The following EPN1 variants were observed in gnomAD, a reference collection of about 807,000 sequenced individuals.
EPN1 encodes epsin-1.
In EPN1, 25 loss-of-function variants were observed where a neutral mutation model predicts 56.9. The ratio of observed to expected loss-of-function variants is 0.44; its 90% CI spans 0.32 to 0.61. The LOEUF (loss-of-function observed/expected upper bound fraction) is 0.61. EPN1 is among the 20% of genes least tolerant of loss of function. EPN1 has a pLI of 0.05. For missense variants in EPN1, 785 were observed against 823.7 expected, an observed-to-expected ratio of 0.95 and a Z score of 0.58; for synonymous variants, 411 against 361.8, an observed-to-expected ratio of 1.14 and a Z score of -1.54.
At chr19:55,684,957 C>T (rs1267159237) in intron 2 of EPN1, among the ~76,000 whole-genome samples, 1 of 152,196 alleles carries the variant, frequency 6.6e-6, no homozygotes, top group Non-Finnish European at 1.5e-5. Context: ...GCCTTCGGCC[C>T]ATTCACAGTG....
rs1164461520 is a variant in EPN1, at chr19:55,700,257, C to G, written c.*4901C>G. 6.7e-6 allele frequency: 1 copy of G among 148,742 alleles called. No homozygotes were observed. Among genetic ancestry groups the G allele is most frequent in the Non-Finnish European group, 1.5e-5 (1 of 67,818 alleles). 9.2% of individuals were successfully genotyped at this position (148,742 alleles called of 1,614,324 possible). A position where few individuals can be genotyped will look rare whatever the true frequency, so the allele number is the denominator to read the frequency against. On this transcript the variant is annotated 3_prime_UTR_variant, in exon 11 of 11. Transcript: ENST00000270460. ...CTATTTAATGACTGCTCCATAAATA[C>G]AAACTTCCTTTCCTTATTATTATTA...
At chr19:55,693,988 GGTGGATCACCTGAGGTCGGGA>G in intron 9 of EPN1, 1 of 152,186 alleles carries the variant, frequency 6.6e-6, no homozygotes, top group Middle Eastern at 3.4e-3. Flanking sequence ...GCTCGAGGTG[GGTGGATCACCTGAGGTCGGGA>G]GTTCAAGACC....
intron 2 of EPN1, among the ~76,000 whole-genome samples, chr19:55,679,472 C>T (rs1038200091): frequency 1.2e-4 from 19 of 152,220 alleles, no homozygotes; most frequent in Non-Finnish European, 4.4e-5. Flanking sequence ...AGCCGATTCA[C>T]GTCTGACTTG....
At chr19:55,683,670 C>T (rs1385822020) in intron 2 of EPN1, among the ~76,000 whole-genome samples, 1 of 152,242 alleles carries the variant, frequency 6.6e-6, no homozygotes, top group Non-Finnish European at 1.5e-5. Flanking sequence ...TCTTTTATTT[C>T]AGTGTATGTG....
In EPN1 at chr19:55,688,705, C is replaced by T. The variant is rs987441273; in HGVS notation, c.479-165C>T. Among the ~76,000 whole-genome samples, 14 of 151,374 alleles carry T rather than the reference C, an allele frequency of 9.2e-5. No homozygotes were observed. The East Asian group carries it at 9.8e-4, about 11-fold the overall frequency. On this transcript the variant is annotated intron_variant, in intron 3 of 10. Coordinates refer to ENST00000270460, the MANE Select transcript of EPN1 (RefSeq NM_001130072.2). Reference sequence around the variant, plus strand: ...CACCCTTCCTCCTCTGAGCACCTGGCGTCTGGTCTCCGCCTCTCAGTCCTA... The same window carrying T: ...CACCCTTCCTCCTCTGAGCACCTGGTGTCTGGTCTCCGCCTCTCAGTCCTA...
intron 1 of EPN1, chr19:55,677,776 A>G (rs1396256760): frequency 1.4e-6 from 2 of 1,467,696 alleles, no homozygotes; most frequent in Non-Finnish European, 1.8e-6. Flanking sequence ...TCCCTTCATC[A>G]GCCTTCTTTC....
intron 2 of EPN1, among the ~76,000 whole-genome samples, chr19:55,684,254 A>G (rs983531341): frequency 1.3e-5 from 2 of 152,136 alleles, no homozygotes; most frequent in African/African-American, 4.8e-5. Flanking sequence ...GACGGAGCTT[A>G]GCTGTGATAG....
At chr19:55,679,721 A>G (rs1172757752) in intron 2 of EPN1, among the ~76,000 whole-genome samples, 3 of 152,138 alleles carry the variant, frequency 2.0e-5, no homozygotes, top group Admixed American at 6.5e-5. Flanking sequence ...GCGTTGCAGC[A>G]CTTACACATG....
At chr19:55,687,225 G>T (rs145730476) in intron 3 of EPN1, among the ~76,000 whole-genome samples, 102 of 152,322 alleles carry the variant, frequency 6.7e-4, no homozygotes, top group African/African-American at 2.3e-3. Flanking sequence ...TCTCAGGCCA[G>T]CTGTGGCTGC....
At chr19:55,684,405 C>T (rs1056122671) in intron 2 of EPN1, among the ~76,000 whole-genome samples, 1 of 152,148 alleles carries the variant, frequency 6.6e-6, no homozygotes, top group Non-Finnish European at 1.5e-5. Flanking sequence ...GGCCATGACT[C>T]CTCAAGCCCA....
At chr19:55,688,480 T>C (rs1033876369) in intron 3 of EPN1, among the ~76,000 whole-genome samples, 3 of 152,168 alleles carry the variant, frequency 2.0e-5, no homozygotes, top group Middle Eastern at 6.8e-3. Flanking sequence ...CAACAAGCCC[T>C]GGAAACAGGC....
intron 6 of EPN1, 87 bp downstream of exon 6, chr19:55,690,037 C>G (rs1415879529): frequency 1.6e-6 from 2 of 1,285,338 alleles, no homozygotes; most frequent in Non-Finnish European, 2.2e-6. Context: ...GTCCCTGGAG[C>G]AGAGACTGAA....
At position 55,694,715 on chromosome 19, in the gene EPN1, G is replaced by T. The variant is rs377621937; in HGVS notation, c.1265-11G>T. ...CTGCCCTGTCTGAGCCCCTCTCCCGGATCCTTCCAGGAGAGCTGGAGCTGC... is the reference window on the plus strand; with the variant it reads ...CTGCCCTGTCTGAGCCCCTCTCCCGTATCCTTCCAGGAGAGCTGGAGCTGC... On this transcript the variant is annotated splice_polypyrimidine_tract_variant and intron_variant, in intron 9 of 10. Transcript: ENST00000270460. This position sits in a 1 kb window ranked among gnomAD's most constrained non-coding sequence, Gnocchi z 4.2. 1.3e-5 allele frequency: 20 copies of T among 1,551,376 alleles called. No individual in the cohort carries two copies. Among genetic ancestry groups the T allele is most frequent in the African/African-American group, 6.8e-5 (5 of 73,326 alleles).
At position 55,695,046 on chromosome 19, in the gene EPN1, A is replaced by T; in HGVS notation, c.1522+63A>T. ...TGGGTTCCACCAGAGGAGGTGCCTC[A>T]CGGGGCAGGGACACTTCGCCCTTTG... On this transcript the variant is annotated intron_variant, in intron 10 of 10. Coordinates refer to ENST00000270460, the MANE Select transcript of EPN1 (RefSeq NM_001130072.2). This position sits in a 1 kb window ranked among gnomAD's most constrained non-coding sequence, Gnocchi z 4.4. The T allele has an allele frequency of 1.3e-6, 2 of 1,581,522 alleles. No individual in the cohort carries two copies. Among genetic ancestry groups the T allele is most frequent in the Non-Finnish European group, 1.7e-6 (2 of 1,164,068 alleles).
In EPN1 at chr19:55,706,342, G is replaced by C. The variant is rs558951680; in HGVS notation, c.*10986G>C. 1 of 146,418 alleles carries C rather than the reference G, an allele frequency of 6.8e-6. No homozygotes were observed. The highest frequency in any genetic ancestry group is 1.4e-5 in the Non-Finnish European group (1 of 69,760). The allele number at this position is 146,418 out of a possible 1,614,324, so 9.1% of individuals were successfully genotyped here. A position where few individuals can be genotyped will look rare whatever the true frequency, so the allele number is the denominator to read the frequency against. Reference sequence around the variant, plus strand: ...TCTGTCACCCAGGCTGGAATGCAGTGGCGTACTGTTTTAGAAAAGTGAAAG... The same window carrying C: ...TCTGTCACCCAGGCTGGAATGCAGTCGCGTACTGTTTTAGAAAAGTGAAAG... On this transcript the variant is annotated 3_prime_UTR_variant, in exon 11 of 11. Coordinates refer to ENST00000270460, the MANE Select transcript of EPN1 (RefSeq NM_001130072.2).
intron 2 of EPN1, among the ~76,000 whole-genome samples, chr19:55,679,263 G>A (rs367962304): frequency 2.0e-5 from 3 of 152,270 alleles, no homozygotes; most frequent in African/African-American, 7.2e-5. Context: ...TGTCGTGCCT[G>A]TGAGCAGGAC....
In EPN1 at chr19:55,709,099, G is replaced by A. The variant is rs942290341; in HGVS notation, c.*13743G>A. Reference sequence around the variant, plus strand: ...TTGTTTTTCATTTTTACACAGTATTGCCTCTCTACATTCTGATGTCTACCT... The same window carrying A: ...TTGTTTTTCATTTTTACACAGTATTACCTCTCTACATTCTGATGTCTACCT... On this transcript the variant is annotated 3_prime_UTR_variant, in exon 11 of 11. Coordinates refer to ENST00000270460, the MANE Select transcript of EPN1 (RefSeq NM_001130072.2). 7.6e-7 allele frequency: 1 copy of A among 1,320,424 alleles called. No homozygotes were observed. Among genetic ancestry groups the A allele is most frequent in the Non-Finnish European group, 1.0e-6 (1 of 971,278 alleles). 81.8% of individuals were successfully genotyped at this position (1,320,424 alleles called of 1,614,324 possible).
rs1015297469 is a variant in EPN1, at chr19:55,708,742, A to G, written c.*13386A>G. On this transcript the variant is annotated 3_prime_UTR_variant, in exon 11 of 11. Coordinates refer to ENST00000270460, the MANE Select transcript of EPN1 (RefSeq NM_001130072.2). Reference sequence around the variant, plus strand: ...TAGGACCGAGGCAAAGACAATCAGCATGTACACTGAATCACACTCCATAAT... The same window carrying G: ...TAGGACCGAGGCAAAGACAATCAGCGTGTACACTGAATCACACTCCATAAT... 7 of 498,354 alleles carry G rather than the reference A, an allele frequency of 1.4e-5. No individual in the cohort carries two copies. Among genetic ancestry groups the G allele is most frequent in the African/African-American group, 1.2e-4 (6 of 50,648 alleles). 30.9% of individuals were successfully genotyped at this position (498,354 alleles called of 1,614,324 possible).
chr19:55,689,269 C>A lies in EPN1; in HGVS notation c.604-28C>A. Reference sequence around the variant, plus strand: ...TGACTCTGCCTCTGGCCCCTCCCGTCATGCCCCTCACACTCTCTCTCCCCC... The same window carrying A: ...TGACTCTGCCTCTGGCCCCTCCCGTAATGCCCCTCACACTCTCTCTCCCCC... On this transcript the variant is annotated intron_variant, in intron 4 of 10. Coordinates refer to ENST00000270460, the MANE Select transcript of EPN1 (RefSeq NM_001130072.2). This position sits in a 1 kb window ranked among gnomAD's most constrained non-coding sequence, Gnocchi z 5.7. 1 of 1,503,060 alleles carries A rather than the reference C, an allele frequency of 6.7e-7. No individual in the cohort carries two copies. The highest frequency in any genetic ancestry group is 9.1e-7 in the Non-Finnish European group (1 of 1,103,104). 93.1% of individuals were successfully genotyped at this position (1,503,060 alleles called of 1,614,324 possible).
Sources: gnomAD v4.1 joint callset for allele counts (sites outside exome capture counted in the v4.1 genomes callset) on GRCh38, gnomAD v4.1.1 for gene constraint, Gnocchi (gnomAD v3.1) non-coding constraint, MANE v1.5 for transcripts, NCBI Gene and HGNC (gene_info 2026-07-23, HGNC 2026-07-21) for gene names.